The following CHD2 variants were observed in gnomAD, a reference collection of about 807,000 sequenced individuals.
CHD2 encodes the protein ATP-dependent chromatin remodeler CHD2.
In CHD2, 28 loss-of-function variants were observed where a neutral mutation model predicts 243.9. The observed-to-expected ratio is 0.11, with a 90% CI of 0.09 to 0.16. The LOEUF is 0.16. CHD2 is among the 10% of genes least tolerant of loss of function. The pLI is 1.00. For synonymous variants in CHD2, 775 were observed against 779.0 expected, an observed-to-expected ratio of 0.99 and a Z score of 0.09; for missense variants, 1,386 against 2,209.8, an observed-to-expected ratio of 0.63 and a Z score of 7.47.
At chr15:92,938,472 T>C (rs767174661) in intron 6 of CHD2, among the ~76,000 whole-genome samples, 3 of 152,230 alleles carry the variant, frequency 2.0e-5, no homozygotes, top group Non-Finnish European at 4.4e-5. Flanking sequence ...AAATATTTAC[T>C]CTCTGGCCAT....
At chr15:92,984,305 C>T in intron 24 of CHD2, 25 bp from the exon 25 acceptor site, 1 of 1,489,806 alleles carries the variant, frequency 6.7e-7, no homozygotes, top group Non-Finnish European at 9.0e-7. Context: ...AGGGAAATGT[C>T]AGACAATGGG....
rs989117057 is a variant in CHD2, at chr15:93,025,386, C to G, written c.*681C>G. 3.3e-5 allele frequency: 5 copies of G among 152,714 alleles called. No individual in the cohort carries two copies. The East Asian group carries it at 9.6e-4, about 29-fold the overall frequency. The allele number at this position is 152,714 out of a possible 1,614,324, so 9.5% of individuals were successfully genotyped here. On this transcript the variant is annotated 3_prime_UTR_variant, in exon 39 of 39. Coordinates refer to ENST00000394196, the MANE Select transcript of CHD2 (RefSeq NM_001271.4). Reference sequence around the variant, plus strand: ...TTCATCTCTGCCAACACTAATTTTTCCCACACTGTCTTTGTACATTTCAGA... The same window carrying G: ...TTCATCTCTGCCAACACTAATTTTTGCCACACTGTCTTTGTACATTTCAGA...
At chr15:92,903,192 G>T (rs1337095008) in intron 2 of CHD2, among the ~76,000 whole-genome samples, 1 of 152,214 alleles carries the variant, frequency 6.6e-6, no homozygotes, top group Non-Finnish European at 1.5e-5. Flanking sequence ...AAAATGTGCA[G>T]CTGTAGAATG....
intron 34 of CHD2, among the ~76,000 whole-genome samples, chr15:93,004,985 T>C (rs2054302081): frequency 6.6e-6 from 1 of 152,164 alleles, no homozygotes; most frequent in South Asian, 2.1e-4. Context: ...CTTGTGCTCC[T>C]AGTTAAGAGA....
intron 34 of CHD2, 89 bp from the exon 35 acceptor site, chr15:93,009,056 G>C: frequency 7.2e-7 from 1 of 1,385,492 alleles, no homozygotes; most frequent in Non-Finnish European, 9.9e-7. Context: ...ATAGGGGTGG[G>C]CTGTGTTTTC....
intron 12 of CHD2, among the ~76,000 whole-genome samples, chr15:92,948,269 A>G (rs77895678): frequency 8.5e-5 from 13 of 152,144 alleles, no homozygotes; most frequent in Non-Finnish European, 1.3e-4. Context: ...GTGAAGATCA[A>G]CTGTATTTAG....
chr15:93,007,623 T>A (rs939682956), intron 34 of CHD2, among the ~76,000 whole-genome samples: 1 of 152,168 alleles, frequency 6.6e-6, no homozygotes, highest in African/African-American at 2.4e-5. Flanking sequence ...ACTTAGTTCA[T>A]TGTGCCAGAT....
At chr15:92,904,824 A>T (rs1485603193) in intron 2 of CHD2, 31 of 1,503,440 alleles carry the variant, frequency 2.1e-5, no homozygotes, top group Non-Finnish European at 2.7e-5. Context: ...TTTTGTTACA[A>T]TTGACCAAAA....
intron 17 of CHD2, among the ~76,000 whole-genome samples, chr15:92,968,903 A>G (rs559456254): frequency 6.6e-6 from 1 of 152,320 alleles, no homozygotes; most frequent in Admixed American, 6.5e-5. Context: ...TAACCGTAAT[A>G]GTAGTTGATA....
intron 22 of CHD2, 45 bp downstream of exon 22, chr15:92,979,328 C>G (rs759557652): frequency 1.3e-6 from 2 of 1,599,816 alleles, no homozygotes; most frequent in Non-Finnish European, 8.5e-7. Context: ...CAAATTGATT[C>G]TACATCACTG....
At chr15:92,915,563 G>A (rs2052818856) in intron 2 of CHD2, among the ~76,000 whole-genome samples, 1 of 152,126 alleles carries the variant, frequency 6.6e-6, no homozygotes, top group Non-Finnish European at 1.5e-5. Context: ...GAGCCACCAC[G>A]CCCGGCCTAA....
At chr15:92,980,474 G>A (rs941667764) in intron 22 of CHD2, among the ~76,000 whole-genome samples, 6 of 152,206 alleles carry the variant, frequency 3.9e-5, no homozygotes, top group Non-Finnish European at 8.8e-5. Context: ...ATTTTGGACC[G>A]GGGTTGAGAA....
At chr15:93,000,666 G>A in intron 32 of CHD2, 26 bp downstream of exon 32, 3 of 1,595,834 alleles carry the variant, frequency 1.9e-6, no homozygotes, top group African/African-American at 2.7e-5. Flanking sequence ...TCGGTTGAGG[G>A]TTATTTATTT....
chr15:92,933,000 C>T (rs965720613), intron 5 of CHD2, among the ~76,000 whole-genome samples: 4 of 151,360 alleles, frequency 2.6e-5, no homozygotes, highest in African/African-American at 9.7e-5. Context: ...GCCTCAGCCT[C>T]CCTAAGTGCT....
Position 92,998,352 on chromosome 15 carries a change from A to G in CHD2, c.3886-147A>G, listed in dbSNP as rs1278712344. On this transcript the variant is annotated intron_variant, in intron 30 of 38. Transcript: ENST00000394196. The surrounding 1 kb of genome is among the most constrained non-coding windows in gnomAD (Gnocchi z 5.1). ...GATTTTCAGTGACTGGGAGCCATGGACATGAGATAGGATCTGAGGCTTTAT... is the reference window on the plus strand; with the variant it reads ...GATTTTCAGTGACTGGGAGCCATGGGCATGAGATAGGATCTGAGGCTTTAT... 5 of 1,392,156 alleles carry G rather than the reference A, an allele frequency of 3.6e-6. No homozygotes were observed. Among genetic ancestry groups the G allele is most frequent in the Admixed American group, 2.4e-5 (1 of 41,012 alleles). The allele number at this position is 1,392,156 out of a possible 1,614,324, so 86.2% of individuals were successfully genotyped here.
rs74787913 is a variant in CHD2 at position 92,933,203 on chromosome 15, C to G, written c.443+4112C>G. ...TGTAGGCACGTACAACCACATCCAG[C>G]TGTATTCATACTTTTAAAGCTTAGA... On this transcript the variant is annotated intron_variant, in intron 5 of 38. Coordinates refer to ENST00000394196, the MANE Select transcript of CHD2 (RefSeq NM_001271.4). Among the ~76,000 whole-genome samples, 323 of 152,280 alleles carry G rather than the reference C, an allele frequency of 2.1e-3. 2 individuals carry two copies. The highest frequency in any genetic ancestry group is 7.5e-3 in the African/African-American group (313 of 41,552).
chr15:92,960,732 T>TTTA (rs1305336683), intron 16 of CHD2, among the ~76,000 whole-genome samples: 4 of 146,278 alleles, frequency 2.7e-5, no homozygotes, highest in South Asian at 2.2e-4. Context: ...TTTTTTTTTT[T>TTTA]AAGACAGAGT....
At chr15:92,957,639 T>C (rs986870424) in intron 16 of CHD2, among the ~76,000 whole-genome samples, 3 of 152,136 alleles carry the variant, frequency 2.0e-5, no homozygotes, top group Admixed American at 1.3e-4. Context: ...TTGATAGATA[T>C]ATGCTCTACA....
Position 92,972,395 on chromosome 15 carries a change from C to T in CHD2, c.2483C>T (p.Thr828Ile), listed in dbSNP as rs1474660067. Residue 828 changes from threonine to isoleucine, a missense_variant, in exon 19 of 39, where the codon ACT becomes ATT. Physicochemically the swap from Thr to Ile is moderately conservative, Grantham distance 89 (BLOSUM62 -1). Transcript: ENST00000394196. ...RMLDILAEYL[T>I]IKHYPFQRLD... ...TTGGATATCCTGGCTGAATACCTAA[C>T]TATTAAACACTATCCTTTCCAGGTA... 9 of 1,606,552 alleles carry T rather than the reference C, an allele frequency of 5.6e-6. No homozygotes were observed. Among genetic ancestry groups the T allele is most frequent in the Non-Finnish European group, 7.6e-6 (9 of 1,177,792 alleles).
Sources: gnomAD v4.1 joint callset for allele counts (sites outside exome capture counted in the v4.1 genomes callset) on GRCh38, gnomAD v4.1.1 for gene constraint, Gnocchi (gnomAD v3.1) non-coding constraint, MANE v1.5 for transcripts, NCBI Gene and HGNC (gene_info 2026-07-23, HGNC 2026-07-21) for gene names.